CSRNP3: variants seen among roughly 807,000 people sequenced by gnomAD.
CSRNP3 encodes cysteine/serine-rich nuclear protein 3.
CSRNP3 carries 12 observed loss-of-function variants against 48.0 expected under a neutral mutation model. The observed-to-expected ratio is 0.25, with a 90% confidence interval of 0.16 to 0.41. CSRNP3 has a LOEUF of 0.41. CSRNP3 is among the 10% of genes least tolerant of loss of function. CSRNP3 has a pLI of 1.00. For missense variants in CSRNP3, 580 were observed against 724.4 expected (o/e 0.80, Z 2.29); for synonymous variants, 263 against 269.7 (o/e 0.98, Z 0.24).
intron 3 of CSRNP3, among the ~76,000 whole-genome samples, chr2:165,587,414 C>T (rs753513060): frequency 1.3e-5 from 2 of 152,264 alleles, no homozygotes; most frequent in African/African-American, 4.8e-5. Flanking sequence ...GGAGTAGTAC[C>T]CAGCCAGGTG....
chr2:165,531,049 A>G (rs1038561033), intron 3 of CSRNP3, among the ~76,000 whole-genome samples: 2 of 152,094 alleles, frequency 1.3e-5, no homozygotes, highest in South Asian at 4.1e-4. Flanking sequence ...ACAAAATACT[A>G]TCCTAAGGGA....
intron 1 of CSRNP3, among the ~76,000 whole-genome samples, chr2:165,476,002 TG>T (rs1403564582): frequency 6.6e-6 from 1 of 152,212 alleles, no homozygotes; most frequent in African/African-American, 2.4e-5. Context: ...TGTAATTAAC[TG>T]TAATTGTTAT....
chr2:165,617,948 A>G (rs1686278049), intron 4 of CSRNP3, among the ~76,000 whole-genome samples: 3 of 152,318 alleles, frequency 2.0e-5, no homozygotes, highest in Admixed American at 6.5e-5. Flanking sequence ...CAGGACCCCA[A>G]GGATGTCAAC....
intron 4 of CSRNP3, among the ~76,000 whole-genome samples, chr2:165,599,691 A>T (rs1195063074): frequency 1.3e-5 from 2 of 152,210 alleles, no homozygotes; most frequent in Admixed American, 6.5e-5. Flanking sequence ...AAATTGATAT[A>T]CAAATTTTTA....
At chr2:165,638,631 CTTGCCACAACTGAAAATTTTTATAA>C (rs1245571896) in intron 4 of CSRNP3, among the ~76,000 whole-genome samples, 3 of 152,160 alleles carry the variant, frequency 2.0e-5, no homozygotes, top group African/African-American at 4.8e-5. Flanking sequence ...TCTTTGTACT[CTTGCCACAACTGAAAATTTTTATAA>C]TTTTGCATTA....
intron 3 of CSRNP3, among the ~76,000 whole-genome samples, chr2:165,587,644 C>T (rs1685653416): frequency 6.6e-6 from 1 of 152,208 alleles, no homozygotes; most frequent in African/African-American, 2.4e-5. Context: ...TGCCCTAGTT[C>T]CTGTTTCCTG....
At chr2:165,610,289 C>T (rs1686114671) in intron 4 of CSRNP3, among the ~76,000 whole-genome samples, 1 of 152,132 alleles carries the variant, frequency 6.6e-6, no homozygotes, top group Non-Finnish European at 1.5e-5. Flanking sequence ...AATCTAGCAT[C>T]TTTTCCAAAT....
At chr2:165,645,103 G>A (rs34019641) in intron 4 of CSRNP3, among the ~76,000 whole-genome samples, 13,389 of 152,142 alleles carry the variant, frequency 0.088, 719 homozygotes, top group African/African-American at 0.14. Context: ...AGAGGCCCAG[G>A]CAGGTGGATC....
intron 1 of CSRNP3, among the ~76,000 whole-genome samples, chr2:165,488,986 C>G (rs1684162000): frequency 8.2e-6 from 1 of 121,732 alleles, no homozygotes; most frequent in Admixed American, 8.5e-5. Context: ...AAAAACCCTT[C>G]AAAAAATCAA....
At chr2:165,610,723 G>A (rs183201628) in intron 4 of CSRNP3, among the ~76,000 whole-genome samples, 1 of 152,274 alleles carries the variant, frequency 6.6e-6, no homozygotes, top group Admixed American at 6.5e-5. Flanking sequence ...GTGCTTCAGA[G>A]CTGCGGAGAT....
At chr2:165,636,852 T>C (rs2105330922) in intron 4 of CSRNP3, among the ~76,000 whole-genome samples, 1 of 152,322 alleles carries the variant, frequency 6.6e-6, no homozygotes, top group East Asian at 1.9e-4. Flanking sequence ...TTTTTAATAA[T>C]GCTAGAGCAA....
intron 3 of CSRNP3, among the ~76,000 whole-genome samples, chr2:165,568,283 CT>C (rs1487348289): frequency 1.3e-5 from 2 of 152,018 alleles, no homozygotes; most frequent in African/African-American, 4.8e-5. Context: ...CCCCTGGTGA[CT>C]TTACAATGTC....
chr2:165,566,515 AG>A (rs1685300009), intron 3 of CSRNP3, among the ~76,000 whole-genome samples: 1 of 151,740 alleles, frequency 6.6e-6, no homozygotes, highest in Non-Finnish European at 1.5e-5. Context: ...AGATAGTAAA[AG>A]TAGCTACCTC....
intron 4 of CSRNP3, among the ~76,000 whole-genome samples, chr2:165,647,615 A>C (rs1686835443): frequency 6.6e-6 from 1 of 152,156 alleles, no homozygotes; most frequent in African/African-American, 2.4e-5. Flanking sequence ...ATAGTCCCTG[A>C]CTCCTTAATG....
At chr2:165,478,820 G>A (rs992414860) in intron 1 of CSRNP3, among the ~76,000 whole-genome samples, 2 of 152,128 alleles carry the variant, frequency 1.3e-5, no homozygotes, top group African/African-American at 4.8e-5. Flanking sequence ...TCCATCCTAA[G>A]CTTCATGTTG....
At chr2:165,510,743 T>C (rs1048615006) in intron 2 of CSRNP3, among the ~76,000 whole-genome samples, 2 of 152,190 alleles carry the variant, frequency 1.3e-5, no homozygotes, top group Non-Finnish European at 2.9e-5. Flanking sequence ...GGACATACTA[T>C]GTTTGAGAAG....
At chr2:165,474,675 T>C (rs1168122670) in intron 1 of CSRNP3, among the ~76,000 whole-genome samples, 3 of 152,206 alleles carry the variant, frequency 2.0e-5, no homozygotes, top group African/African-American at 7.2e-5. Context: ...TATGTGTTTG[T>C]ATTAAATATT....
At chr2:165,664,093 A>G (rs1687139481) in intron 5 of CSRNP3, among the ~76,000 whole-genome samples, 1 of 152,194 alleles carries the variant, frequency 6.6e-6, no homozygotes, top group African/African-American at 2.4e-5. Flanking sequence ...AGCTAACAAA[A>G]CAACCAAACA....
At chr2:165,617,328 G>A (rs1468417709) in intron 4 of CSRNP3, among the ~76,000 whole-genome samples, 1 of 150,712 alleles carries the variant, frequency 6.6e-6, no homozygotes, top group African/African-American at 2.5e-5. Context: ...AATTTTTCTT[G>A]TAGATGCATC....
Sources: allele counts gnomAD v4.1 joint callset (sites outside exome capture counted in the v4.1 genomes callset), GRCh38; gene constraint gnomAD v4.1.1; transcripts MANE v1.5; gene names NCBI Gene and HGNC (gene_info 2026-07-23, HGNC 2026-07-21).